The following DGKI variants were observed in gnomAD, a reference collection of about 807,000 sequenced individuals.
DGKI encodes the protein diacylglycerol kinase iota, also known as DAG kinase iota.
In DGKI, 55 loss-of-function variants were observed where a neutral mutation model predicts 147.5. The observed-to-expected ratio is 0.37, with a 90% CI of 0.30 to 0.47. The LOEUF (loss-of-function observed/expected upper bound fraction) is 0.47. Ranked by LOEUF, DGKI falls within the 20% of genes least tolerant of loss-of-function variation. The pLI, the probability that DGKI is intolerant of heterozygous loss-of-function variation, is 1.00. For synonymous variants in DGKI, 469 were observed against 477.1 expected (o/e 0.98, Z 0.22); for missense variants, 1,007 against 1,323.8 (o/e 0.76, Z 3.71).
intron 27 of DGKI, among the ~76,000 whole-genome samples, chr7:137,463,239 G>A (rs1337528695): frequency 6.6e-6 from 1 of 152,250 alleles, no homozygotes; most frequent in Non-Finnish European, 1.5e-5. Context: ...TTTAAAGTAT[G>A]TGGAGGTCCA....
intron 27 of DGKI, among the ~76,000 whole-genome samples, chr7:137,447,950 G>A (rs1813777417): frequency 6.6e-6 from 1 of 152,152 alleles, no homozygotes; most frequent in Admixed American, 6.5e-5. Context: ...TGACAGGGAG[G>A]ATGAGAAATG....
Position 137,743,907 on chromosome 7 carries a change from C to T in DGKI, c.402-53905G>A, listed in dbSNP as rs190320341. Among the ~76,000 whole-genome samples the T allele has an allele frequency of 9.5e-4, 141 of 148,744 alleles. 1 individual carries two copies. Among genetic ancestry groups the T allele is most frequent in the African/African-American group, 3.3e-3 (135 of 40,360 alleles). ...CTGAGGCAGGAGAATGGTGTGAACT[C>T]GGGAGGCAGAGGTTGCAGTGAGCCG... On this transcript the variant is annotated intron_variant, in intron 1 of 32. Coordinates refer to ENST00000614521, the MANE Select transcript of DGKI (RefSeq NM_001321708.2).
chr7:137,659,359 T>C (rs778023286), intron 3 of DGKI, among the ~76,000 whole-genome samples: 1 of 152,240 alleles, frequency 6.6e-6, no homozygotes, highest in Admixed American at 6.5e-5. Context: ...TTTTAATCAC[T>C]GACTTCACGG....
chr7:137,844,225 T>C (rs1023327918), intron 1 of DGKI, among the ~76,000 whole-genome samples: 8 of 152,186 alleles, frequency 5.3e-5, no homozygotes, highest in African/African-American at 1.9e-4. Context: ...TAAGTAACAG[T>C]GATCAAAATG....
At chr7:137,807,872 G>A (rs369618408) in intron 1 of DGKI, among the ~76,000 whole-genome samples, 53 of 152,158 alleles carry the variant, frequency 3.5e-4, no homozygotes, top group African/African-American at 1.3e-3. Flanking sequence ...CTGTCCCCTT[G>A]ACCATGTCTC....
intron 5 of DGKI, among the ~76,000 whole-genome samples, chr7:137,646,702 A>G (rs1443480235): frequency 6.6e-6 from 1 of 152,226 alleles, no homozygotes; most frequent in Non-Finnish European, 1.5e-5. Context: ...GTCTAGCCAT[A>G]ACCCTTATTT....
At chr7:137,718,247 G>C (rs1462293230) in intron 1 of DGKI, among the ~76,000 whole-genome samples, 2 of 152,196 alleles carry the variant, frequency 1.3e-5, no homozygotes, top group Non-Finnish European at 2.9e-5. Flanking sequence ...TATTGTTGTG[G>C]TTGTTATTGT....
intron 24 of DGKI, 85 bp from the exon 25 acceptor site, chr7:137,467,027 C>G: frequency 7.5e-7 from 1 of 1,332,160 alleles, no homozygotes; most frequent in Non-Finnish European, 1.1e-6. Flanking sequence ...CTATGCTGGT[C>G]AAAACCCCTA....
At chr7:137,457,175 T>G (rs1814237530) in intron 27 of DGKI, among the ~76,000 whole-genome samples, 1 of 152,238 alleles carries the variant, frequency 6.6e-6, no homozygotes, top group South Asian at 2.1e-4. Flanking sequence ...AGCAGGGATG[T>G]CAAAGGTAGG....
At chr7:137,823,238 G>A (rs1797956917) in intron 1 of DGKI, among the ~76,000 whole-genome samples, 1 of 152,126 alleles carries the variant, frequency 6.6e-6, no homozygotes, top group South Asian at 2.1e-4. Context: ...GAAAGAAAAA[G>A]ATGTAAAGTT....
intron 5 of DGKI, among the ~76,000 whole-genome samples, chr7:137,651,316 T>C (rs1210037159): frequency 2.0e-5 from 3 of 151,990 alleles, no homozygotes; most frequent in South Asian, 2.1e-4. Context: ...TTGGAGACAG[T>C]TGGATGGATT....
intron 1 of DGKI, chr7:137,721,983 C>G: frequency 6.5e-7 from 1 of 1,534,534 alleles, no homozygotes; most frequent in South Asian, 1.2e-5. Context: ...TCCCATCTTG[C>G]AAGATGGCGG....
intron 1 of DGKI, among the ~76,000 whole-genome samples, chr7:137,715,449 C>G (rs1794347226): frequency 6.6e-6 from 1 of 152,178 alleles, no homozygotes; most frequent in Non-Finnish European, 1.5e-5. Flanking sequence ...GATGGTGGAG[C>G]AGGGTGGAAA....
At chr7:137,562,060 A>G (rs1818436048) in intron 19 of DGKI, among the ~76,000 whole-genome samples, 1 of 152,256 alleles carries the variant, frequency 6.6e-6, no homozygotes, top group Non-Finnish European at 1.5e-5. Context: ...ATGACGCCAG[A>G]TGGAAACTTG....
chr7:137,706,509 TATTTCATTTTATTTTATTTC>T (rs1794031759), intron 1 of DGKI, among the ~76,000 whole-genome samples: 1 of 124,868 alleles, frequency 8.0e-6, no homozygotes, highest in Non-Finnish European at 1.8e-5. Context: ...TATTTTATTT[TATTTCATTTTATTTTATTTC>T]ATTTTATTTC....
At chr7:137,609,175 A>C in intron 9 of DGKI, 111 bp from the exon 10 acceptor site, 1 of 736,828 alleles carries the variant, frequency 1.4e-6, no homozygotes, top group Non-Finnish European at 2.3e-6. Flanking sequence ...CCCAGGGCTG[A>C]CTCTTAACAC....
intron 16 of DGKI, among the ~76,000 whole-genome samples, chr7:137,577,576 C>T (rs1563094472): frequency 1.3e-5 from 2 of 152,184 alleles, no homozygotes; most frequent in Admixed American, 6.5e-5. Flanking sequence ...CTTTTCTGAA[C>T]ACTTGCCTTG....
intron 1 of DGKI, among the ~76,000 whole-genome samples, chr7:137,841,903 C>T (rs917463472): frequency 6.6e-6 from 1 of 152,136 alleles, no homozygotes; most frequent in Non-Finnish European, 1.5e-5. Context: ...CTTCCCTATC[C>T]CCAGATTCCA....
At chr7:137,524,090 T>C (rs1238422301) in intron 20 of DGKI, among the ~76,000 whole-genome samples, 1 of 151,888 alleles carries the variant, frequency 6.6e-6, no homozygotes, top group East Asian at 1.9e-4. Context: ...GATTTCTTTC[T>C]TTATCAATAA....
Sources: gnomAD v4.1 joint callset for allele counts (sites outside exome capture counted in the v4.1 genomes callset) on GRCh38, gnomAD v4.1.1 for gene constraint, MANE v1.5 for transcripts, NCBI Gene and HGNC (gene_info 2026-07-23, HGNC 2026-07-21) for gene names.